The following ESR1 variants were observed in gnomAD, a reference collection of about 807,000 sequenced individuals.
The protein encoded by ESR1 is estrogen receptor.
Under a neutral mutation model 52.7 loss-of-function variants are expected in ESR1, and 12 were observed. The observed-to-expected ratio is 0.23, with a 90% confidence interval of 0.15 to 0.37. The LOEUF (loss-of-function observed/expected upper bound fraction) is 0.37. Among genes scored for constraint, ESR1 ranks in the 10% least tolerant of loss-of-function variants. The probability of loss-of-function intolerance (pLI) is 1.00; values close to 1 mark genes in which losing one functional copy is unlikely to be tolerated. For synonymous variants in ESR1, 305 were observed against 316.8 expected, an observed-to-expected ratio of 0.96 and a Z score of 0.39; for missense variants, 584 against 779.7, an observed-to-expected ratio of 0.75 and a Z score of 2.99.
In ESR1 at chr6:152,026,153, C is replaced by T. The variant is rs539754028; in HGVS notation, c.1235+14359C>T. On this transcript the variant is annotated intron_variant, in intron 5 of 7. Coordinates refer to ENST00000206249, the MANE Select transcript of ESR1 (RefSeq NM_000125.4). ...AGCTTTCAAAAATGTTCCATGTATACTTGAAATGAAGGTTTATTTACCCTT... is the reference window on the plus strand; with the variant it reads ...AGCTTTCAAAAATGTTCCATGTATATTTGAAATGAAGGTTTATTTACCCTT... 2.0e-5 allele frequency among the ~76,000 whole-genome samples: 3 copies of T among 152,064 alleles called. No homozygotes were observed. In the East Asian group the frequency reaches 5.8e-4, roughly 29 times the overall value.
chr6:151,956,268 T>C (rs1252015581), intron 4 of ESR1, among the ~76,000 whole-genome samples: 2 of 152,192 alleles, frequency 1.3e-5, no homozygotes, highest in East Asian at 3.8e-4. Flanking sequence ...GGTTGAATGG[T>C]AGTTCTGTTT....
intron 2 of ESR1, among the ~76,000 whole-genome samples, chr6:151,855,735 A>C (rs980782074): frequency 6.6e-6 from 1 of 152,210 alleles, no homozygotes; most frequent in Non-Finnish European, 1.5e-5. Flanking sequence ...TCAAAGCAGC[A>C]TAATGGGAAA....
intron 3 of ESR1, among the ~76,000 whole-genome samples, chr6:151,908,795 A>T (rs1019885979): frequency 2.0e-5 from 3 of 152,098 alleles, no homozygotes; most frequent in Non-Finnish European, 4.4e-5. Context: ...TGAAACAAAA[A>T]CTTGTGCCCT....
chr6:151,812,349 G>T (rs1434472880), intron 1 of ESR1, among the ~76,000 whole-genome samples: 1 of 152,132 alleles, frequency 6.6e-6, no homozygotes, highest in Non-Finnish European at 1.5e-5. Context: ...CAGGAATTTT[G>T]TTATAAATAT....
At chr6:151,766,272 CCAA>C (rs1168125628) in intron 2 of ESR1, among the ~76,000 whole-genome samples, 2 of 152,148 alleles carry the variant, frequency 1.3e-5, no homozygotes, top group African/African-American at 4.8e-5. Context: ...TTCCTGAAGA[CCAA>C]CAACATTTTT....
chr6:151,941,355 A>C, intron 3 of ESR1, among the ~76,000 whole-genome samples: 1 of 152,126 alleles, frequency 6.6e-6, no homozygotes. Flanking sequence ...TATTTGGGTA[A>C]TACACTGACT....
At chr6:151,959,609 G>A (rs556506242) in intron 4 of ESR1, among the ~76,000 whole-genome samples, 183 of 152,294 alleles carry the variant, frequency 1.2e-3, no homozygotes, top group Middle Eastern at 6.8e-3. Context: ...CCACAGCCAA[G>A]CTGGGGGTCT....
intron 2 of ESR1, among the ~76,000 whole-genome samples, chr6:151,720,975 T>C (rs1219602379): frequency 2.0e-5 from 3 of 152,172 alleles, no homozygotes; most frequent in Non-Finnish European, 2.9e-5. Flanking sequence ...ATAAAGAGAA[T>C]ATGTAAACAT....
intron 3 of ESR1, among the ~76,000 whole-genome samples, chr6:151,917,590 G>T (rs977499307): frequency 2.0e-5 from 3 of 152,140 alleles, no homozygotes; most frequent in Admixed American, 2.0e-4. Context: ...CCAGTTACTT[G>T]ATCTAGGCCT....
intron 1 of ESR1, among the ~76,000 whole-genome samples, chr6:151,691,650 G>A (rs772195280): frequency 6.6e-6 from 1 of 152,130 alleles, no homozygotes; most frequent in Non-Finnish European, 1.5e-5. Context: ...TGTATATGAG[G>A]TTGCTGGGAA....
At chr6:152,059,942 A>G (rs2047414542) in intron 5 of ESR1, among the ~76,000 whole-genome samples, 1 of 152,234 alleles carries the variant, frequency 6.6e-6, no homozygotes, top group Non-Finnish European at 1.5e-5. Context: ...CAAGGTGCTA[A>G]ACAATATGTT....
At chr6:151,928,717 A>C (rs562197967) in intron 3 of ESR1, among the ~76,000 whole-genome samples, 1 of 152,008 alleles carries the variant, frequency 6.6e-6, no homozygotes, top group African/African-American at 2.4e-5. Context: ...TTTTTCTCTA[A>C]GCACTGCTTT....
chr6:151,850,048 A>ATATATATATAAAAAAT (rs1786172725), intron 2 of ESR1, among the ~76,000 whole-genome samples: 1 of 128,444 alleles, frequency 7.8e-6, no homozygotes, highest in African/African-American at 3.0e-5. Flanking sequence ...ATATAATTTT[A>ATATATATATAAAAAAT]TATATATATA....
chr6:151,686,068 T>TTTTTTTA (rs1778655632), upstream of ESR1, among the ~76,000 whole-genome samples: 1 of 126,926 alleles, frequency 7.9e-6, no homozygotes, highest in African/African-American at 2.8e-5. Context: ...AAAACAATTT[T>TTTTTTTA]TTTTTTTTTT....
At chr6:152,036,701 G>A (rs1308657268) in intron 5 of ESR1, among the ~76,000 whole-genome samples, 1 of 152,204 alleles carries the variant, frequency 6.6e-6, no homozygotes, top group Non-Finnish European at 1.5e-5. Flanking sequence ...CGAGAGTCAT[G>A]GGCCCAAACC....
intron 1 of ESR1, among the ~76,000 whole-genome samples, chr6:151,676,252 C>T (rs1298848701): frequency 2.0e-5 from 3 of 152,136 alleles, no homozygotes; most frequent in South Asian, 4.2e-4. Flanking sequence ...GAGCCAGGTC[C>T]ATACTTGGTT....
At chr6:151,915,188 C>T (rs1352581196) in intron 3 of ESR1, among the ~76,000 whole-genome samples, 4 of 150,072 alleles carry the variant, frequency 2.7e-5, no homozygotes, top group Non-Finnish European at 4.4e-5. Context: ...AGTGAGATTC[C>T]GTCTCAAAAA....
chr6:151,873,246 G>T (rs1791276252), intron 2 of ESR1, among the ~76,000 whole-genome samples: 1 of 152,206 alleles, frequency 6.6e-6, no homozygotes, highest in Non-Finnish European at 1.5e-5. Flanking sequence ...TCTGCCACTT[G>T]CTTGCTGTGT....
At position 152,098,841 on chromosome 6, in the gene ESR1, C is replaced by T. The variant is rs754403698; in HGVS notation, c.1663C>T (p.Arg555Cys). Residue 555 changes from arginine (R) to cysteine (C), a missense_variant, in exon 8 of 8, where the codon CGT becomes TGT. Arg to Cys is a radical substitution (Grantham distance 180, BLOSUM62 -3). Transcript: ENST00000206249. This position sits in a 1 kb window ranked among gnomAD's most constrained non-coding sequence, Gnocchi z 5.1. ...CCACCGCCTACATGCGCCCACTAGC[C>T]GTGGAGGGGCATCCGTGGAGGAGAC... Reference protein sequence around the residue: ...DAHRLHAPTSRGGASVEETDQ... With the variant: ...DAHRLHAPTSCGGASVEETDQ... The T allele has an allele frequency of 1.2e-5, 20 of 1,614,030 alleles. No individual in the cohort carries two copies. The highest frequency in any genetic ancestry group is 2.2e-5 in the East Asian group (1 of 44,882).
Sources: allele counts gnomAD v4.1 joint callset (sites outside exome capture counted in the v4.1 genomes callset), GRCh38; gene constraint gnomAD v4.1.1; non-coding constraint Gnocchi (gnomAD v3.1); transcripts MANE v1.5; gene names NCBI Gene and HGNC (gene_info 2026-07-23, HGNC 2026-07-21).